GLP2R: variants seen among roughly 807,000 people sequenced by gnomAD.
The protein encoded by GLP2R is glucagon like peptide 2 receptor, also known as glucagon-like peptide 2 receptor.
Under a neutral mutation model 68.2 loss-of-function variants are expected in GLP2R, and 59 were observed. The observed-to-expected ratio is 0.87, with a 90% confidence interval of 0.70 to 1.07. The LOEUF is 1.07. Ranked by LOEUF, GLP2R falls within the 50% of genes least tolerant of loss-of-function variation. The pLI is 0.00. For missense variants in GLP2R, 548 were observed against 677.4 expected (o/e 0.81, Z 2.12); for synonymous variants, 270 against 265.4 (o/e 1.02, Z -0.17).
intron 10 of GLP2R, among the ~76,000 whole-genome samples, chr17:9,873,009 C>T (rs948856765): frequency 6.6e-6 from 1 of 152,216 alleles, no homozygotes; most frequent in African/African-American, 2.4e-5. Context: ...TCCAGGGAGC[C>T]ACGCTGTCTC....
chr17:9,868,984 T>C (rs754382964), intron 9 of GLP2R, among the ~76,000 whole-genome samples: 1 of 152,226 alleles, frequency 6.6e-6, no homozygotes, highest in Non-Finnish European at 1.5e-5. Context: ...ACATTTACCT[T>C]GTATTTAAAC....
At position 9,865,922 on chromosome 17, in the gene GLP2R, C is replaced by T. The variant is rs543153270; in HGVS notation, c.1056+3832C>T. ...GACATTTAACCATGAACTTGTAAAACACTGACATATACCCCAGAGAAAGGC... is the reference window on the plus strand; with the variant it reads ...GACATTTAACCATGAACTTGTAAAATACTGACATATACCCCAGAGAAAGGC... On this transcript the variant is annotated intron_variant, in intron 9 of 12. Transcript: ENST00000262441. 3.0e-5 allele frequency: 14 copies of T among 471,152 alleles called. No individual in the cohort carries two copies. In the East Asian group the frequency reaches 8.3e-4, roughly 28 times the overall value. 29.2% of individuals were successfully genotyped at this position (471,152 alleles called of 1,614,324 possible). A position where few individuals can be genotyped will look rare whatever the true frequency, so the allele number is the denominator to read the frequency against.
intron 10 of GLP2R, among the ~76,000 whole-genome samples, chr17:9,877,515 C>A (rs1232991214): frequency 6.6e-6 from 1 of 152,204 alleles, no homozygotes; most frequent in East Asian, 1.9e-4. Flanking sequence ...CCACATAAAC[C>A]CCGAACTTTA....
rs1005336123 is a variant in GLP2R, at chr17:9,852,048, G to GT, written c.505-2436dup. On this transcript the variant is annotated intron_variant, in intron 4 of 12. Coordinates refer to ENST00000262441, the MANE Select transcript of GLP2R (RefSeq NM_004246.3). The stretch of plus-strand genomic sequence containing the variant: ...TCATGGAGAGAAATGTATAGCATTT[G>GT]TTTTTTTTTTTGTTTTTTTTTTTAC... 7.4e-3 allele frequency among the ~76,000 whole-genome samples: 809 copies of GT among 109,416 alleles called. 3 individuals carry two copies. Among genetic ancestry groups the GT allele is most frequent in the African/African-American group, 0.031 (656 of 21,156 alleles). The allele number at this position is 109,416 out of a possible 152,430, so 71.8% of individuals were successfully genotyped here. A position where few individuals can be genotyped will look rare whatever the true frequency, so the allele number is the denominator to read the frequency against.
chr17:9,864,244 C>G (rs1023448505), intron 9 of GLP2R, among the ~76,000 whole-genome samples: 3 of 152,162 alleles, frequency 2.0e-5, no homozygotes, highest in Admixed American at 6.5e-5. Flanking sequence ...ACCAGCATCG[C>G]CTGAGCGCTT....
In GLP2R at chr17:9,840,461, A is replaced by G. The variant is rs371627000; in HGVS notation, c.383-2034A>G. On this transcript the variant is annotated intron_variant, in intron 3 of 12. Transcript: ENST00000262441. ...TGACATTCTTACCATTCACTCATTCAACTAATATTTATGAAGCACCTGTTG... is the reference window on the plus strand; with the variant it reads ...TGACATTCTTACCATTCACTCATTCGACTAATATTTATGAAGCACCTGTTG... Among the ~76,000 whole-genome samples, 16 of 152,334 alleles carry G rather than the reference A, an allele frequency of 1.1e-4. No homozygotes were observed. In the South Asian group the frequency reaches 1.9e-3, roughly 18 times the overall value.
Position 9,854,540 on chromosome 17 carries a change from G to A in GLP2R, c.550G>A (p.Val184Met), listed in dbSNP as rs755555439. The A allele has an allele frequency of 1.6e-5, 26 of 1,612,660 alleles. No individual in the cohort carries two copies. Among genetic ancestry groups the A allele is most frequent in the Middle Eastern group, 1.6e-4 (1 of 6,084 alleles). The change falls in exon 5 of 13, where the codon GTG becomes ATG. Residue 184 changes from valine (V) to methionine (M), a missense_variant. Coordinates refer to ENST00000262441, the MANE Select transcript of GLP2R (RefSeq NM_004246.3). ...LLSTLQLMYT[V>M]GYSFSLISLF... ...GTCAACCTTGCAGCTGATGTACACC[G>A]TGGGATACTCCTTCTCTCTTATCTC... is the stretch of plus-strand genomic sequence containing the variant.
chr17:9,857,655 G>A (rs2152038781), intron 6 of GLP2R, 79 bp downstream of exon 6: 1 of 1,377,264 alleles, frequency 7.3e-7, no homozygotes, highest in Admixed American at 1.8e-5. Flanking sequence ...AGGCAGGTGG[G>A]ACTAGGGAGG....
At chr17:9,837,053 C>T (rs897514236) in intron 3 of GLP2R, among the ~76,000 whole-genome samples, 1 of 151,908 alleles carries the variant, frequency 6.6e-6, no homozygotes, top group Non-Finnish European at 1.5e-5. Flanking sequence ...CGGGATTTCA[C>T]TGTGTTAGCC....
intron 9 of GLP2R, among the ~76,000 whole-genome samples, chr17:9,868,229 T>C (rs752071783): frequency 2.6e-5 from 4 of 151,678 alleles, no homozygotes; most frequent in Admixed American, 6.6e-5. Flanking sequence ...GAAAGAGTGT[T>C]TTGACTCACA....
At chr17:9,853,111 C>A (rs2066906513) in intron 4 of GLP2R, 1 of 529,870 alleles carries the variant, frequency 1.9e-6, no homozygotes, top group South Asian at 1.7e-5. Context: ...CTGCCTTCGT[C>A]ATTCATTGTC....
rs78463568 is a variant in GLP2R at position 9,881,765 on chromosome 17, C to T, written c.1284+1249C>T. On this transcript the variant is annotated intron_variant, in intron 11 of 12. Transcript: ENST00000262441. ...ATTTAAAGCAAGTCACAGACCCAGC[C>T]TAGATTGAAAGAGTAGGGCACTGCA... Among the ~76,000 whole-genome samples the T allele has an allele frequency of 4.3e-3, 657 of 152,186 alleles. 2 individuals are homozygous for T. The highest frequency in any genetic ancestry group is 0.015 in the African/African-American group (640 of 41,532).
In GLP2R at chr17:9,859,923, G is replaced by A. The variant is rs1342773903; in HGVS notation, c.766-19G>A. 1.9e-6 allele frequency: 3 copies of A among 1,578,070 alleles called. No homozygotes were observed. In the African/African-American group the frequency reaches 4.1e-5, roughly 21 times the overall value. Reference sequence around the variant, plus strand: ...GCAGGGGAGCCTGGACTCACCCTCAGGTGTTTTTTCCTCTGCAGATGTCCA... The same window carrying A: ...GCAGGGGAGCCTGGACTCACCCTCAAGTGTTTTTTCCTCTGCAGATGTCCA... On this transcript the variant is annotated intron_variant, in intron 6 of 12. Coordinates refer to ENST00000262441, the MANE Select transcript of GLP2R (RefSeq NM_004246.3).
intron 4 of GLP2R, chr17:9,852,911 T>C: frequency 2.1e-6 from 1 of 482,064 alleles, no homozygotes; most frequent in Non-Finnish European, 3.9e-6. Context: ...CCAGATATAC[T>C]TAAGAGTTTC....
At chr17:9,877,518 G>A (rs780816625) in intron 10 of GLP2R, among the ~76,000 whole-genome samples, 16 of 152,164 alleles carry the variant, frequency 1.1e-4, no homozygotes, top group Non-Finnish European at 1.5e-4. Flanking sequence ...CATAAACCCC[G>A]AACTTTAGTT....
chr17:9,878,527 G>A (rs533037322), intron 10 of GLP2R, among the ~76,000 whole-genome samples: 1 of 152,306 alleles, frequency 6.6e-6, no homozygotes, highest in Non-Finnish European at 1.5e-5. Context: ...GGTGGGTGTT[G>A]GAGTGGGAGT....
intron 1 of GLP2R, among the ~76,000 whole-genome samples, chr17:9,830,360 CT>C (rs1203219038): frequency 2.6e-5 from 4 of 152,230 alleles, no homozygotes; most frequent in Middle Eastern, 3.4e-3. Context: ...ATTCTAGAAG[CT>C]TATTATTTGG....
Position 9,889,425 on chromosome 17 carries a change from G to T in GLP2R, c.1382G>T (p.Gly461Val). 3 of 1,614,148 alleles carry T rather than the reference G, an allele frequency of 1.9e-6. No individual in the cohort carries two copies. Among genetic ancestry groups the T allele is most frequent in the Non-Finnish European group, 2.5e-6 (3 of 1,179,962 alleles). ...CGCTTCTTGCTAGCCCGCCACTCAG[G>T]CTGCAGAGCCTGTGTCCTGGGGAAG... ...WVRFLLARHS[G>V]CRACVLGKDF... Residue 461 changes from glycine (G) to valine (V), a missense_variant, in exon 13 of 13, where the codon GGC (glycine) becomes GTC (valine). Physicochemically the swap from Gly to Val is moderately radical, Grantham distance 109. Coordinates refer to ENST00000262441, the MANE Select transcript of GLP2R (RefSeq NM_004246.3).
chr17:9,888,708 C>T (rs566754070), intron 12 of GLP2R, among the ~76,000 whole-genome samples: 2 of 152,308 alleles, frequency 1.3e-5, no homozygotes, highest in East Asian at 3.9e-4. Flanking sequence ...CTCAAGTAAT[C>T]CACCTGCTTC....
Sources: gnomAD v4.1 joint callset for allele counts (sites outside exome capture counted in the v4.1 genomes callset) on GRCh38, gnomAD v4.1.1 for gene constraint, MANE v1.5 for transcripts, NCBI Gene and HGNC (gene_info 2026-07-23, HGNC 2026-07-21) for gene names.